PTPRM: variants seen among roughly 807,000 people sequenced by gnomAD.
PTPRM encodes the protein protein tyrosine phosphatase receptor type M.
A neutral mutation model predicts 186.7 loss-of-function variants in PTPRM; 47 were observed. The observed-to-expected ratio is 0.25, with a 90% CI of 0.20 to 0.32. The LOEUF is 0.32. Among genes scored for constraint, PTPRM ranks in the 10% least tolerant of loss-of-function variants. The pLI is 1.00. For missense variants in PTPRM, 1,494 were observed against 1,865.0 expected (o/e 0.80, Z 3.66); for synonymous variants, 668 against 674.9 (o/e 0.99, Z 0.16).
rs1022677438 is a variant in PTPRM at position 7,800,571 on chromosome 18, A to C, written c.196+26300A>C. ...ACCCAGTTTGACAGGTTGGAGTATCATGTAATGGACAAATCAAATAATTGA... is the reference window on the plus strand; with the variant it reads ...ACCCAGTTTGACAGGTTGGAGTATCCTGTAATGGACAAATCAAATAATTGA... On this transcript the variant is annotated intron_variant, in intron 2 of 32. Transcript: ENST00000580170. Among the ~76,000 whole-genome samples, 6 of 152,230 alleles carry C rather than the reference A, an allele frequency of 3.9e-5. No individual in the cohort carries two copies. The East Asian group carries it at 1.2e-3, about 29-fold the overall frequency.
At chr18:7,939,288 A>T (rs981655716) in intron 5 of PTPRM, among the ~76,000 whole-genome samples, 3 of 150,782 alleles carry the variant, frequency 2.0e-5, no homozygotes, top group African/African-American at 7.4e-5. Flanking sequence ...TCCCTGCCTG[A>T]TGCCTGCGTA....
intron 7 of PTPRM, among the ~76,000 whole-genome samples, chr18:8,027,421 A>C (rs2085639363): frequency 6.6e-6 from 1 of 152,212 alleles, no homozygotes; most frequent in South Asian, 2.1e-4. Flanking sequence ...TTAGCATATG[A>C]GAGTGATTAG....
intron 19 of PTPRM, among the ~76,000 whole-genome samples, chr18:8,261,692 C>G (rs2094633227): frequency 6.6e-6 from 1 of 152,150 alleles, no homozygotes; most frequent in Non-Finnish European, 1.5e-5. Flanking sequence ...CTGATGACAT[C>G]ATATACAAGC....
chr18:7,916,749 T>G (rs1421743280), intron 4 of PTPRM, among the ~76,000 whole-genome samples: 2 of 152,236 alleles, frequency 1.3e-5, no homozygotes, highest in Non-Finnish European at 2.9e-5. Flanking sequence ...CAGGATTAAT[T>G]AGCTTATCAC....
At chr18:7,766,086 G>C (rs536957093) in intron 1 of PTPRM, among the ~76,000 whole-genome samples, 2 of 152,238 alleles carry the variant, frequency 1.3e-5, no homozygotes, top group South Asian at 2.1e-4. Context: ...TGAACAGTTC[G>C]TATATAAGCA....
At chr18:7,826,937 T>TA (rs200476402) in intron 2 of PTPRM, among the ~76,000 whole-genome samples, 16 of 151,100 alleles carry the variant, frequency 1.1e-4, no homozygotes, top group East Asian at 9.8e-4. Context: ...CTACAGAAAT[T>TA]AAAAAAATAA....
intron 1 of PTPRM, among the ~76,000 whole-genome samples, chr18:7,583,391 G>A (rs982733031): frequency 1.1e-4 from 17 of 152,152 alleles, no homozygotes; most frequent in Admixed American, 1.0e-3. Context: ...CATGGACAGT[G>A]GCTACAGCTG....
chr18:8,039,055 C>A (rs2086529165), intron 7 of PTPRM, among the ~76,000 whole-genome samples: 1 of 151,888 alleles, frequency 6.6e-6, no homozygotes, highest in Non-Finnish European at 1.5e-5. Context: ...GAAGTAATTA[C>A]CAAATTCATA....
chr18:7,632,246 G>A (rs1235394890), intron 1 of PTPRM, among the ~76,000 whole-genome samples: 1 of 152,164 alleles, frequency 6.6e-6, no homozygotes, highest in Non-Finnish European at 1.5e-5. Context: ...TGGATCAATG[G>A]CTGTGCTGTG....
At chr18:7,910,322 T>A (rs1355094869) in intron 4 of PTPRM, among the ~76,000 whole-genome samples, 1 of 152,220 alleles carries the variant, frequency 6.6e-6, no homozygotes, top group Non-Finnish European at 1.5e-5. Flanking sequence ...TCCAGGTTCT[T>A]GGTGTCTTGA....
chr18:7,717,486 T>C (rs1005603205), intron 1 of PTPRM, among the ~76,000 whole-genome samples: 1 of 152,192 alleles, frequency 6.6e-6, no homozygotes, highest in Non-Finnish European at 1.5e-5. Flanking sequence ...ACAGTTACCA[T>C]GCTTCAGTTC....
chr18:8,124,818 G>C (rs927607276), intron 13 of PTPRM, among the ~76,000 whole-genome samples: 1 of 152,192 alleles, frequency 6.6e-6, no homozygotes, highest in South Asian at 2.1e-4. Context: ...AGATATAGGA[G>C]GTATACATTC....
intron 19 of PTPRM, among the ~76,000 whole-genome samples, chr18:8,291,853 CA>C (rs59979399): frequency 0.015 from 1,625 of 107,516 alleles, 44 homozygotes; most frequent in South Asian, 0.13. Flanking sequence ...CATGGTCTTC[CA>C]AAAAAAAAAA....
At chr18:8,248,214 G>A in intron 17 of PTPRM, 38 bp downstream of exon 17, 1 of 1,515,902 alleles carries the variant, frequency 6.6e-7, no homozygotes, top group South Asian at 1.1e-5. Flanking sequence ...TATTGCAGGA[G>A]TAATTTAGAA....
chr18:7,655,366 C>T (rs1374291597), intron 1 of PTPRM, among the ~76,000 whole-genome samples: 1 of 152,146 alleles, frequency 6.6e-6, no homozygotes, highest in Non-Finnish European at 1.5e-5. Context: ...CACCTACACA[C>T]ATGTTAGAAT....
intron 1 of PTPRM, among the ~76,000 whole-genome samples, chr18:7,683,232 C>T (rs1389768972): frequency 6.9e-6 from 1 of 145,660 alleles, no homozygotes; most frequent in Admixed American, 7.0e-5. Flanking sequence ...GTGGTGCAAT[C>T]ATGCCTTACT....
intron 13 of PTPRM, among the ~76,000 whole-genome samples, chr18:8,139,549 A>G (rs1369255631): frequency 2.0e-5 from 3 of 152,232 alleles, no homozygotes; most frequent in Non-Finnish European, 2.9e-5. Context: ...TCTCAAGCAG[A>G]GAGAGTCCTT....
intron 14 of PTPRM, among the ~76,000 whole-genome samples, chr18:8,172,282 T>A (rs76031932): frequency 6.6e-6 from 1 of 151,454 alleles, no homozygotes; most frequent in South Asian, 2.1e-4. Flanking sequence ...TTTTTTTTTT[T>A]TTATAACTTT....
rs963608237 is a variant in PTPRM, at chr18:8,051,935, T to A, written c.1133-17751T>A. ...ACAATCCATATCTTTTAAAATCCAT[T>A]TTCATGTTTCTTTTCTATTCTCTTT... On this transcript the variant is annotated intron_variant, in intron 7 of 32. Transcript: ENST00000580170. Among the ~76,000 whole-genome samples, 14 of 152,142 alleles carry A rather than the reference T, an allele frequency of 9.2e-5. 1 individual carries two copies. The highest frequency in any genetic ancestry group is 6.2e-4 in the South Asian group (3 of 4,828).
Sources: gnomAD v4.1 joint callset for allele counts (sites outside exome capture counted in the v4.1 genomes callset) on GRCh38, gnomAD v4.1.1 for gene constraint, MANE v1.5 for transcripts, NCBI Gene and HGNC (gene_info 2026-07-23, HGNC 2026-07-21) for gene names.